CHN2: variants seen among roughly 807,000 people sequenced by gnomAD.
CHN2 encodes the protein beta-chimaerin.
CHN2 carries 35 observed loss-of-function variants against 56.3 expected under a neutral mutation model. The observed-to-expected ratio is 0.62, with a 90% CI of 0.47 to 0.82. The LOEUF (loss-of-function observed/expected upper bound fraction) is 0.82, where lower values mean the gene tolerates loss of function less well. CHN2 is among the 40% of genes least tolerant of loss of function. The probability of loss-of-function intolerance (pLI) is 0.00; values close to 1 mark genes in which losing one functional copy is unlikely to be tolerated. For missense variants in CHN2, 491 were observed against 580.5 expected (o/e 0.85, Z 1.58); for synonymous variants, 210 against 212.8 (o/e 0.99, Z 0.12).
intron 2 of CHN2, among the ~76,000 whole-genome samples, chr7:29,188,748 G>A (rs1466037027): frequency 1.3e-5 from 2 of 151,904 alleles, no homozygotes; most frequent in African/African-American, 4.8e-5. Flanking sequence ...GATTTTGGAC[G>A]TTTTGTTAAA....
intron 1 of CHN2, among the ~76,000 whole-genome samples, chr7:29,256,821 C>A (rs245978): frequency 5.9e-5 from 9 of 151,894 alleles, no homozygotes; most frequent in African/African-American, 1.9e-4. Context: ...ATCGCCCCCC[C>A]ACCACGATCC....
rs1193989405 is a variant in CHN2, at chr7:29,398,223, C to T, written c.177-150C>T. 8.7e-6 allele frequency: 5 copies of T among 573,144 alleles called. No homozygotes were observed. In the Admixed American group the frequency reaches 1.4e-4, roughly 16 times the overall value. 35.5% of individuals were successfully genotyped at this position (573,144 alleles called of 1,614,324 possible). A position where few individuals can be genotyped will look rare whatever the true frequency, so the allele number is the denominator to read the frequency against. On this transcript the variant is annotated intron_variant, in intron 4 of 12. Transcript: ENST00000222792. ...GAGCATGTGAGGGGTGGTTCCAAGTCACTTAAGATGGGCAGTAGTCACCCC... is the reference window on the plus strand; with the variant it reads ...GAGCATGTGAGGGGTGGTTCCAAGTTACTTAAGATGGGCAGTAGTCACCCC...
At chr7:29,337,544 T>C (rs1796719104) in intron 1 of CHN2, among the ~76,000 whole-genome samples, 1 of 152,198 alleles carries the variant, frequency 6.6e-6, no homozygotes, top group East Asian at 1.9e-4. Context: ...GCGGAAATCA[T>C]TGGGACCACT....
At chr7:29,507,859 A>G (rs749721849) in intron 11 of CHN2, among the ~76,000 whole-genome samples, 3 of 152,296 alleles carry the variant, frequency 2.0e-5, no homozygotes, top group East Asian at 1.9e-4. Context: ...AAGGTTTACA[A>G]ATTTGTGCTG....
rs534045138 is a variant in CHN2 at position 29,299,846 on chromosome 7, G to A, written c.50-54779G>A. 4.2e-4 allele frequency among the ~76,000 whole-genome samples: 64 copies of A among 152,308 alleles called. 1 individual carries two copies. Among genetic ancestry groups the A allele is most frequent in the African/African-American group, 1.4e-3 (57 of 41,574 alleles). On this transcript the variant is annotated intron_variant, in intron 1 of 12. Coordinates refer to ENST00000222792, the MANE Select transcript of CHN2 (RefSeq NM_004067.4). The stretch of plus-strand genomic sequence containing the variant: ...CAAGTAGACAACTGTCCATGAGAGT[G>A]CAGATAAAAGCATAAGTTCCCGAGA...
intron 11 of CHN2, among the ~76,000 whole-genome samples, chr7:29,508,068 G>A (rs909068614): frequency 2.0e-5 from 3 of 152,148 alleles, no homozygotes; most frequent in Non-Finnish European, 2.9e-5. Context: ...ATACTAGAAC[G>A]TCTCACCAGT....
intron 1 of CHN2, among the ~76,000 whole-genome samples, chr7:29,267,222 A>G: frequency 6.7e-6 from 1 of 150,354 alleles, no homozygotes; most frequent in African/African-American, 2.4e-5. Flanking sequence ...TACATTAGGC[A>G]CTAAGTGCAT....
intron 2 of CHN2, among the ~76,000 whole-genome samples, chr7:29,159,741 T>C (rs1468222115): frequency 6.6e-6 from 1 of 152,212 alleles, no homozygotes; most frequent in Non-Finnish European, 1.5e-5. Context: ...TACTCTGTCC[T>C]GTCTCTTCTT....
chr7:29,331,205 G>A (rs1183456887), intron 1 of CHN2, among the ~76,000 whole-genome samples: 1 of 152,226 alleles, frequency 6.6e-6, no homozygotes, highest in Non-Finnish European at 1.5e-5. Context: ...GCCCTGTGGG[G>A]ACAGAAGGCA....
At chr7:29,351,785 AG>A (rs1797904822) in intron 1 of CHN2, among the ~76,000 whole-genome samples, 1 of 152,184 alleles carries the variant, frequency 6.6e-6, no homozygotes, top group Admixed American at 6.5e-5. Flanking sequence ...AGAGGCGGGC[AG>A]GCTCCCAGTG....
intron 1 of CHN2, among the ~76,000 whole-genome samples, chr7:29,225,625 A>G (rs1204862105): frequency 6.6e-6 from 1 of 152,172 alleles, no homozygotes; most frequent in Non-Finnish European, 1.5e-5. Flanking sequence ...TTCGTTTCCT[A>G]TCCTGGTTTT....
chr7:29,227,905 T>G (rs1182550718), intron 1 of CHN2, among the ~76,000 whole-genome samples: 1 of 152,124 alleles, frequency 6.6e-6, no homozygotes, highest in East Asian at 1.9e-4. Context: ...TCTTTCATTG[T>G]TTTAGCCTGG....
At chr7:29,228,464 T>C (rs1262018510) in intron 1 of CHN2, among the ~76,000 whole-genome samples, 4 of 152,220 alleles carry the variant, frequency 2.6e-5, no homozygotes, top group Non-Finnish European at 5.9e-5. Flanking sequence ...GCACACGCTA[T>C]GATGTTCGCA....
intron 1 of CHN2, among the ~76,000 whole-genome samples, chr7:29,235,645 A>G (rs575793787): frequency 5.3e-5 from 8 of 152,242 alleles, no homozygotes; most frequent in Non-Finnish European, 1.2e-4. Flanking sequence ...GTAGATGTCT[A>G]TCAACAGCAA....
intron 1 of CHN2, among the ~76,000 whole-genome samples, chr7:29,308,745 G>A (rs1002259949): frequency 1.3e-5 from 2 of 152,124 alleles, no homozygotes; most frequent in Non-Finnish European, 2.9e-5. Flanking sequence ...TCAGTAGTTG[G>A]GTGGATAATA....
chr7:29,372,695 A>G (rs903469738), intron 3 of CHN2, among the ~76,000 whole-genome samples: 3 of 152,270 alleles, frequency 2.0e-5, no homozygotes, highest in Non-Finnish European at 4.4e-5. Context: ...CAATGCTGTT[A>G]TTAGGATAGT....
At chr7:29,206,579 C>T (rs144428375) in intron 1 of CHN2, among the ~76,000 whole-genome samples, 125 of 152,196 alleles carry the variant, frequency 8.2e-4, no homozygotes, top group African/African-American at 2.9e-3. Context: ...CGCGCCTGGC[C>T]TAGAAATTTT....
At chr7:29,485,121 A>G (rs2128551324) in intron 7 of CHN2, among the ~76,000 whole-genome samples, 1 of 152,304 alleles carries the variant, frequency 6.6e-6, no homozygotes, top group East Asian at 1.9e-4. Flanking sequence ...GTGAGCTTCC[A>G]TTTTTAGTAG....
chr7:29,293,635 C>T (rs910610852), intron 1 of CHN2, among the ~76,000 whole-genome samples: 3 of 152,098 alleles, frequency 2.0e-5, no homozygotes, highest in Non-Finnish European at 4.4e-5. Flanking sequence ...GGCCTCCGAA[C>T]TTGCTGTGCC....
Sources: allele counts gnomAD v4.1 joint callset (sites outside exome capture counted in the v4.1 genomes callset), GRCh38; gene constraint gnomAD v4.1.1; transcripts MANE v1.5; gene names NCBI Gene and HGNC (gene_info 2026-07-23, HGNC 2026-07-21).